ACO2: variants seen among roughly 807,000 people sequenced by gnomAD.
ACO2 encodes the protein aconitase 2.
In ACO2, 31 loss-of-function variants were observed where a neutral mutation model predicts 84.5. That is an observed-to-expected ratio of 0.37 (90% confidence interval 0.28 to 0.50). The LOEUF (loss-of-function observed/expected upper bound fraction) is 0.50. Ranked by LOEUF, ACO2 falls within the 20% of genes least tolerant of loss-of-function variation. ACO2 has a pLI of 0.97. For synonymous variants in ACO2, 414 were observed against 412.7 expected (o/e 1.00, Z -0.04); for missense variants, 685 against 1,029.3 (o/e 0.67, Z 4.58).
chr22:41,486,804 C>T (rs1346908180), intron 1 of ACO2, among the ~76,000 whole-genome samples: 2 of 152,100 alleles, frequency 1.3e-5, no homozygotes, highest in Admixed American at 6.6e-5. Flanking sequence ...CAAGGTCCCT[C>T]GTGATACCTG....
At chr22:41,526,754 G>C (rs1306205995) in intron 15 of ACO2, 4 of 374,506 alleles carry the variant, frequency 1.1e-5, no homozygotes, top group Admixed American at 4.2e-5. Flanking sequence ...GAGGCCAAAA[G>C]CTCAGAGAGG....
At chr22:41,484,417 A>G (rs1225560692) in intron 1 of ACO2, among the ~76,000 whole-genome samples, 2 of 152,306 alleles carry the variant, frequency 1.3e-5, no homozygotes, top group Non-Finnish European at 1.5e-5. Flanking sequence ...GAGCTGGTGG[A>G]TGGGTAATGA....
chr22:41,508,831 C>T (rs1170681795), intron 3 of ACO2, among the ~76,000 whole-genome samples: 3 of 152,230 alleles, frequency 2.0e-5, no homozygotes, highest in Non-Finnish European at 2.9e-5. Flanking sequence ...GGGTCCCCCT[C>T]ACGGGGAGGG....
In ACO2 at chr22:41,528,013, C is replaced by T; in HGVS notation, c.2199C>T (p.Thr733=). The T allele has an allele frequency of 6.2e-7, 1 of 1,614,146 alleles. No individual in the cohort carries two copies. The highest frequency in any genetic ancestry group is 8.5e-7 in the Non-Finnish European group (1 of 1,180,024). Residue 733 remains threonine, a synonymous_variant, in exon 17 of 18, where the codon ACC becomes ACT. Coordinates refer to ENST00000216254, the MANE Select transcript of ACO2 (RefSeq NM_001098.3). ...CCATTCAGGGCCTGAAGGACTTCAC[C>T]CCTGGCAAGGTTAGGGGCCCGGGTC... is the stretch of plus-strand genomic sequence containing the variant. The part of the protein sequence containing the change: ...KLTIQGLKDF[T]PGKPLKCIIK...
At chr22:41,512,573 C>T (rs1478153478) in intron 4 of ACO2, among the ~76,000 whole-genome samples, 1 of 152,194 alleles carries the variant, frequency 6.6e-6, no homozygotes, top group Non-Finnish European at 1.5e-5. Flanking sequence ...CCGTGCTGCT[C>T]TGCCGCCTCC....
intron 2 of ACO2, among the ~76,000 whole-genome samples, chr22:41,504,697 C>G (rs2066379463): frequency 6.9e-6 from 1 of 143,988 alleles, no homozygotes; most frequent in African/African-American, 2.6e-5. Flanking sequence ...CCAGCAGATC[C>G]AGCACCTTAG....
intron 3 of ACO2, among the ~76,000 whole-genome samples, chr22:41,511,099 G>A (rs1006989339): frequency 2.0e-5 from 3 of 152,162 alleles, no homozygotes; most frequent in African/African-American, 2.4e-5. Context: ...TTGAACTCCT[G>A]GGCTCAAGTG....
intron 14 of ACO2, chr22:41,526,000 G>C (rs1035679471): frequency 4.8e-6 from 2 of 417,712 alleles, no homozygotes; most frequent in Admixed American, 3.8e-5. Context: ...ACATTGACCT[G>C]TCCCAACTTT....
At chr22:41,526,551 G>A (rs1041205876) in intron 15 of ACO2, 98 bp downstream of exon 15, 12 of 1,387,690 alleles carry the variant, frequency 8.6e-6, no homozygotes, top group Non-Finnish European at 1.1e-5. Flanking sequence ...AACTGGGAAG[G>A]AGGCCGACCA....
At chr22:41,506,254 A>G (rs2066392206) in intron 2 of ACO2, among the ~76,000 whole-genome samples, 1 of 149,350 alleles carries the variant, frequency 6.7e-6, no homozygotes, top group Admixed American at 6.7e-5. Context: ...TGTCTGGCTC[A>G]TTCTTTTTTT....
In ACO2 at chr22:41,501,515, A is replaced by C. The variant is rs146598352; in HGVS notation, c.173+1653A>C. On this transcript the variant is annotated intron_variant, in intron 2 of 17. Coordinates refer to ENST00000216254, the MANE Select transcript of ACO2 (RefSeq NM_001098.3). ...ACTTCCACCTTGCTCTTCATCAGGC[A>C]TGAAGGAGAGCTGTCATAGAAGTTT... is the stretch of plus-strand genomic sequence containing the variant. Among the ~76,000 whole-genome samples, 267 of 152,330 alleles carry C rather than the reference A, an allele frequency of 1.8e-3. 1 individual carries two copies. The highest frequency in any genetic ancestry group is 6.2e-3 in the African/African-American group (258 of 41,582).
chr22:41,528,269 C>A, intron 17 of ACO2: 2 of 846,668 alleles, frequency 2.4e-6, no homozygotes, highest in Non-Finnish European at 3.6e-6. Context: ...AGGGGACAGC[C>A]CACCCACTGC....
rs1780142002 is a variant in ACO2, at chr22:41,525,312, T to C, written c.1725T>C (p.Asp575=). 1.2e-6 allele frequency: 2 copies of C among 1,613,838 alleles called. No homozygotes were observed. Among genetic ancestry groups the C allele is most frequent in the South Asian group, 1.1e-5 (1 of 91,070 alleles). ...TCCTGGAGCCTTTTGACAAGTGGGA[T>C]GGCAAGGACCTGGAGGACCTGCAGA... ...LQLLEPFDKW[D]GKDLEDLQIL... is the part of the protein sequence containing the mutation. Residue 575 remains aspartate (D), a synonymous_variant, in exon 14 of 18, where the codon GAT becomes GAC. Transcript: ENST00000216254.
chr22:41,501,467 T>G (rs772509679), intron 2 of ACO2, among the ~76,000 whole-genome samples: 2 of 152,186 alleles, frequency 1.3e-5, no homozygotes, highest in Admixed American at 1.3e-4. Context: ...GGGCTGGCAA[T>G]GCACACCAGC....
chr22:41,490,780 C>CTGTAT (rs2066266258), intron 1 of ACO2, among the ~76,000 whole-genome samples: 1 of 152,144 alleles, frequency 6.6e-6, no homozygotes, highest in South Asian at 2.1e-4. Context: ...TCAACCTGCT[C>CTGTAT]TGTATTTTAA....
chr22:41,525,300 T>C lies in ACO2; in HGVS notation c.1713T>C (p.Phe571=). ...TSQRLQLLEP[F]DKWDGKDLED... The stretch of plus-strand genomic sequence containing the variant: ...AGCGCCTGCAGCTCCTGGAGCCTTT[T>C]GACAAGTGGGATGGCAAGGACCTGG... The change falls in exon 14 of 18, where the codon TTT becomes TTC. Residue 571 remains phenylalanine (F), a synonymous_variant. Coordinates refer to ENST00000216254, the MANE Select transcript of ACO2 (RefSeq NM_001098.3). 1 of 1,614,050 alleles carries C rather than the reference T, an allele frequency of 6.2e-7. No homozygotes were observed. Among genetic ancestry groups the C allele is most frequent in the Non-Finnish European group, 8.5e-7 (1 of 1,179,990 alleles).
chr22:41,522,881 C>G lies in ACO2; in HGVS notation c.1190C>G (p.Ala397Gly). Residue 397 changes from alanine (A) to glycine (G), a missense_variant, in exon 10 of 18, where the codon GCA (alanine) becomes GGA (glycine). By Grantham distance (60) the Ala-to-Gly change is moderately conservative. This residue lies in a region of ACO2 where 311 missense variants were observed against 441.6 expected (regional missense o/e 0.70). Coordinates refer to ENST00000216254, the MANE Select transcript of ACO2 (RefSeq NM_001098.3). ...NSSYEDMGRSAAVAKQALAHG... is the reference protein window; with the variant it reads ...NSSYEDMGRSGAVAKQALAHG... ...AGCTATGAAGATATGGGGCGCTCAG[C>G]AGCTGTGGCCAAGCAGGCACTGGCC... The G allele has an allele frequency of 6.2e-7, 1 of 1,614,220 alleles. No homozygotes were observed. Among genetic ancestry groups the G allele is most frequent in the Non-Finnish European group, 8.5e-7 (1 of 1,180,042 alleles).
intron 2 of ACO2, among the ~76,000 whole-genome samples, chr22:41,502,112 T>C (rs1400405925): frequency 6.6e-6 from 1 of 152,092 alleles, no homozygotes; most frequent in Non-Finnish European, 1.5e-5. Context: ...CAAGCCTGGG[T>C]CTCTGTGACT....
chr22:41,517,488 C>T (rs776338407), intron 6 of ACO2, 39 bp from the exon 7 acceptor site: 37 of 1,584,040 alleles, frequency 2.3e-5, no homozygotes, highest in South Asian at 7.8e-5. Context: ...GACCCTGGCC[C>T]GGCCACCAGC....
Sources: allele counts gnomAD v4.1 joint callset (sites outside exome capture counted in the v4.1 genomes callset), GRCh38; gene constraint gnomAD v4.1.1; regional missense constraint gnomAD v4.1.1; transcripts MANE v1.5; gene names NCBI Gene and HGNC (gene_info 2026-07-23, HGNC 2026-07-21).